The following RAI1 variants were observed in gnomAD, a reference collection of about 807,000 sequenced individuals.
RAI1 encodes the protein retinoic acid-induced protein 1.
Under a neutral mutation model 123.8 loss-of-function variants are expected in RAI1, and 9 were observed. The observed-to-expected ratio is 0.07, with a 90% CI of 0.04 to 0.13. The LOEUF (loss-of-function observed/expected upper bound fraction) is 0.13, where lower values mean the gene tolerates loss of function less well. Among genes scored for constraint, RAI1 ranks in the 10% least tolerant of loss-of-function variants. The pLI is 1.00. For synonymous variants in RAI1, 1,231 were observed against 1,127.3 expected, an observed-to-expected ratio of 1.09 and a Z score of -1.84; for missense variants, 2,256 against 2,545.8, an observed-to-expected ratio of 0.89 and a Z score of 2.45.
chr17:17,724,438 CCA>C (rs1291158044), intron 2 of RAI1, among the ~76,000 whole-genome samples: 2 of 109,778 alleles, frequency 1.8e-5, no homozygotes, highest in Admixed American at 1.1e-4. Flanking sequence ...CCGCTTTTGG[CCA>C]CAGTTTGGTT....
chr17:17,794,031 G>A lies in RAI1; in HGVS notation c.1083G>A (p.Ser361=), dbSNP rs981995746. 6 of 1,613,712 alleles carry A rather than the reference G, an allele frequency of 3.7e-6. No individual in the cohort carries two copies. The highest frequency in any genetic ancestry group is 2.2e-5 in the South Asian group (2 of 91,082). ...CACCTTCCTACAGTTCCACACCGTC[G>A]CCGCTGATGCCAAACCTGGAGAACT... ...GRSPSYSSTP[S]PLMPNLENFP... Residue 361 remains serine, a synonymous_variant, in exon 3 of 6, where the codon TCG becomes TCA. Transcript: ENST00000353383.
intron 4 of RAI1, among the ~76,000 whole-genome samples, chr17:17,807,274 A>G (rs1320116566): frequency 6.7e-6 from 1 of 149,958 alleles, no homozygotes; most frequent in Non-Finnish European, 1.5e-5. Context: ...GGTGGGAGTG[A>G]GAGGGCACTG....
rs776897252 is a variant in RAI1, at chr17:17,795,900, G to A, written c.2952G>A (p.Ala984=). Reference sequence around the variant, plus strand: ...CCAACAAGCCTGCTGTGCCCGAGGCGCCCATCGCAAAGAAAGAGCCTGTGC... The same window carrying A: ...CCAACAAGCCTGCTGTGCCCGAGGCACCCATCGCAAAGAAAGAGCCTGTGC... ...QKPNKPAVPE[A]PIAKKEPVPR... is the part of the protein sequence containing the mutation. Residue 984 remains alanine (A), a synonymous_variant, in exon 3 of 6, where the codon GCG becomes GCA. Transcript: ENST00000353383. This position sits in a 1 kb window ranked among gnomAD's most constrained non-coding sequence, Gnocchi z 5.9. 15 of 1,611,130 alleles carry A rather than the reference G, an allele frequency of 9.3e-6. No homozygotes were observed. Among genetic ancestry groups the A allele is most frequent in the East Asian group, 8.9e-5 (4 of 44,880 alleles).
At chr17:17,789,887 A>T (rs928061526) in intron 2 of RAI1, among the ~76,000 whole-genome samples, 2 of 152,130 alleles carry the variant, frequency 1.3e-5, no homozygotes, top group Admixed American at 1.3e-4. Flanking sequence ...GAGTGAGCCC[A>T]GTGGGTGGGG....
At chr17:17,706,229 A>G (rs569586544) in intron 1 of RAI1, among the ~76,000 whole-genome samples, 1 of 152,070 alleles carries the variant, frequency 6.6e-6, no homozygotes, top group South Asian at 2.1e-4. Flanking sequence ...AAGGAATGGC[A>G]CTTGGGGGAG....
chr17:17,795,587 G>T lies in RAI1; in HGVS notation c.2639G>T (p.Ser880Ile), dbSNP rs1235180624. ...EYSSLCELLG[S>I]PEQRPGMQDP... Reference sequence around the variant, plus strand: ...TCCTCCCTATGTGAGCTCCTGGGCAGCCCCGAGCAGAGGCCTGGCATGCAG... The same window carrying T: ...TCCTCCCTATGTGAGCTCCTGGGCATCCCCGAGCAGAGGCCTGGCATGCAG... Residue 880 changes from serine to isoleucine, a missense_variant, in exon 3 of 6, where the codon AGC becomes ATC. Physicochemically the swap from Ser to Ile is moderately radical, Grantham distance 142. Around this residue, in one of 7 missense-constraint regions of RAI1, gnomAD observed 566 missense variants for 616.0 expected, o/e 0.92. Coordinates refer to ENST00000353383, the MANE Select transcript of RAI1 (RefSeq NM_030665.4). The surrounding 1 kb of genome is among the most constrained non-coding windows in gnomAD (Gnocchi z 5.9). 1 of 1,612,546 alleles carries T rather than the reference G, an allele frequency of 6.2e-7. No homozygotes were observed. Among genetic ancestry groups the T allele is most frequent in the South Asian group, 1.1e-5 (1 of 90,866 alleles).
Position 17,810,020 on chromosome 17 carries a change from C to T in RAI1, c.*39C>T, listed in dbSNP as rs1251179379. ...CGGCCGGAGGAGCCGCCGGAGCCCG[C>T]CTGCCCGCCCGCCGCCGAAGGAGAG... On this transcript the variant is annotated 3_prime_UTR_variant, in exon 6 of 6. Coordinates refer to ENST00000353383, the MANE Select transcript of RAI1 (RefSeq NM_030665.4). This position sits in a 1 kb window ranked among gnomAD's most constrained non-coding sequence, Gnocchi z 4.6. 4 of 1,543,306 alleles carry T rather than the reference C, an allele frequency of 2.6e-6. No homozygotes were observed. The Admixed American group carries it at 5.9e-5, about 23-fold the overall frequency.
At chr17:17,703,318 A>G (rs1172438783) in intron 1 of RAI1, among the ~76,000 whole-genome samples, 2 of 152,210 alleles carry the variant, frequency 1.3e-5, no homozygotes, top group Non-Finnish European at 2.9e-5. Flanking sequence ...GGAAGGCTGC[A>G]CTGCAAGTCA....
At chr17:17,790,223 C>T (rs990949696) in intron 2 of RAI1, among the ~76,000 whole-genome samples, 12 of 152,164 alleles carry the variant, frequency 7.9e-5, no homozygotes, top group Non-Finnish European at 1.5e-5. Context: ...AGGCAGTGCC[C>T]CCTTTTCTCC....
intron 2 of RAI1, among the ~76,000 whole-genome samples, chr17:17,787,335 C>G (rs142619927): frequency 4.6e-5 from 7 of 152,320 alleles, no homozygotes; most frequent in Non-Finnish European, 8.8e-5. Context: ...GCCACCAGAC[C>G]CTTGCCCTGT....
intron 1 of RAI1, among the ~76,000 whole-genome samples, chr17:17,696,563 C>G (rs73292256): frequency 0.037 from 5,690 of 152,336 alleles, 178 homozygotes; most frequent in African/African-American, 0.086. Flanking sequence ...CGAGATGAGG[C>G]AGACATTTCT....
intron 1 of RAI1, among the ~76,000 whole-genome samples, chr17:17,723,430 C>T (rs1208935181): frequency 1.3e-5 from 2 of 151,558 alleles, no homozygotes. Context: ...AACGCACAGC[C>T]AAGACCTCAC....
intron 1 of RAI1, among the ~76,000 whole-genome samples, chr17:17,713,095 A>G (rs1915613756): frequency 1.3e-5 from 2 of 152,160 alleles, no homozygotes; most frequent in Admixed American, 6.5e-5. Flanking sequence ...TCATGAATAT[A>G]CCAAAACCCT....
chr17:17,769,143 T>C (rs1433380532), intron 2 of RAI1, among the ~76,000 whole-genome samples: 2 of 152,224 alleles, frequency 1.3e-5, no homozygotes, highest in East Asian at 3.9e-4. Context: ...AGAAATGATT[T>C]CTTGGCTCAT....
chr17:17,753,701 A>C (rs1306642116), intron 2 of RAI1, among the ~76,000 whole-genome samples: 1 of 152,158 alleles, frequency 6.6e-6, no homozygotes, highest in African/African-American at 2.4e-5. Flanking sequence ...CCTTTTATTC[A>C]AACTGCCTGT....
intron 2 of RAI1, among the ~76,000 whole-genome samples, chr17:17,737,457 C>T (rs1284016944): frequency 2.0e-5 from 3 of 152,192 alleles, no homozygotes; most frequent in Non-Finnish European, 4.4e-5. Flanking sequence ...GGAATACTAC[C>T]AGAGGGAGGC....
At chr17:17,760,409 A>G (rs1325620566) in intron 2 of RAI1, among the ~76,000 whole-genome samples, 1 of 152,084 alleles carries the variant, frequency 6.6e-6, no homozygotes, top group Non-Finnish European at 1.5e-5. Context: ...CATCAGGGTC[A>G]AGGTCACCCA....
chr17:17,719,914 T>A lies in RAI1; in HGVS notation c.-148-4114T>A, dbSNP rs145075209. Among the ~76,000 whole-genome samples, 451 of 152,242 alleles carry A rather than the reference T, an allele frequency of 3.0e-3. 2 individuals are homozygous for A. Among genetic ancestry groups the A allele is most frequent in the Non-Finnish European group, 5.1e-3 (346 of 68,000 alleles). ...ACTCAATAAACATGTGGAATAGATGTTAAAACCTGGCCCACATCTGACCTC... is the reference window on the plus strand; with the variant it reads ...ACTCAATAAACATGTGGAATAGATGATAAAACCTGGCCCACATCTGACCTC... On this transcript the variant is annotated intron_variant, in intron 1 of 5. Transcript: ENST00000353383.
intron 2 of RAI1, among the ~76,000 whole-genome samples, chr17:17,791,819 G>A (rs2032021374): frequency 6.6e-6 from 1 of 152,144 alleles, no homozygotes; most frequent in Non-Finnish European, 1.5e-5. Context: ...CTGGATGCTG[G>A]GCTGTCAGAT....
Sources: gnomAD v4.1 joint callset for allele counts (sites outside exome capture counted in the v4.1 genomes callset) on GRCh38, gnomAD v4.1.1 for gene constraint, gnomAD v4.1.1 regional missense constraint, Gnocchi (gnomAD v3.1) non-coding constraint, MANE v1.5 for transcripts, NCBI Gene and HGNC (gene_info 2026-07-23, HGNC 2026-07-21) for gene names.